TRABD2B: variants seen among roughly 807,000 people sequenced by gnomAD.
The protein encoded by TRABD2B is TraB domain containing 2B.
A neutral mutation model predicts 40.1 loss-of-function variants in TRABD2B; 14 were observed. The observed-to-expected ratio is 0.35, with a 90% CI of 0.23 to 0.55. The LOEUF is 0.55. Among genes scored for constraint, TRABD2B ranks in the 20% least tolerant of loss-of-function variants. The pLI is 0.90. For synonymous variants in TRABD2B, 263 were observed against 277.0 expected, an observed-to-expected ratio of 0.95 and a Z score of 0.50; for missense variants, 541 against 648.6, an observed-to-expected ratio of 0.83 and a Z score of 1.80.
chr1:47,835,159 A>G (rs1645301848), intron 2 of TRABD2B, among the ~76,000 whole-genome samples: 1 of 152,230 alleles, frequency 6.6e-6, no homozygotes, highest in Admixed American at 6.5e-5. Context: ...AACTGAAATG[A>G]AAAATTCACT....
At chr1:47,823,131 T>A (rs1425760317) in intron 2 of TRABD2B, among the ~76,000 whole-genome samples, 1 of 152,204 alleles carries the variant, frequency 6.6e-6, no homozygotes, top group Non-Finnish European at 1.5e-5. Context: ...TGCTCATGCA[T>A]CCCCTGGGAC....
At chr1:47,799,041 C>T (rs569223413) in intron 3 of TRABD2B, among the ~76,000 whole-genome samples, 5 of 144,644 alleles carry the variant, frequency 3.5e-5, no homozygotes, top group Admixed American at 6.7e-5. Flanking sequence ...ACTTCAAGTA[C>T]GGGAACTGTT....
Position 47,860,640 on chromosome 1 carries a change from T to A in TRABD2B, c.667-59021A>T, listed in dbSNP as rs185680241. ...CTATGGTTTGAATGTGGTTTGTCTT[T>A]GCCGAAATTCATGTTGAAGTTTAAT... On this transcript the variant is annotated intron_variant, in intron 2 of 6. Transcript: ENST00000606738. 1.6e-3 allele frequency among the ~76,000 whole-genome samples: 251 copies of A among 152,338 alleles called. 1 individual carries two copies. Among genetic ancestry groups the A allele is most frequent in the Non-Finnish European group, 2.4e-3 (166 of 68,030 alleles).
chr1:47,858,229 TTTTATTTTATTTTA>T (rs986125486), intron 2 of TRABD2B, among the ~76,000 whole-genome samples: 4 of 60,578 alleles, frequency 6.6e-5, no homozygotes, highest in African/African-American at 2.1e-4. Flanking sequence ...TTTTATTTTA[TTTTATTTTATTTTA>T]TTTTATTTTA....
Position 47,997,315 on chromosome 1 carries a change from G to A in TRABD2B, c.-526C>T. 1.4e-6 allele frequency: 1 copy of A among 708,164 alleles called. No individual in the cohort carries two copies. The highest frequency in any genetic ancestry group is 1.7e-6 in the Non-Finnish European group (1 of 579,342). The allele number at this position is 708,164 out of a possible 1,614,324, so 43.9% of individuals were successfully genotyped here. A position where few individuals can be genotyped will look rare whatever the true frequency, so the allele number is the denominator to read the frequency against. ...CTGCCCCCGAGCCCGGCTCAGAGGGGCGGCGGGCGGCCGCGCGGCCGCTGC... is the reference window on the plus strand; with the variant it reads ...CTGCCCCCGAGCCCGGCTCAGAGGGACGGCGGGCGGCCGCGCGGCCGCTGC... On this transcript the variant is annotated 5_prime_UTR_variant, in exon 1 of 7. Transcript: ENST00000606738.
At chr1:47,913,925 G>T (rs997107957) in intron 2 of TRABD2B, among the ~76,000 whole-genome samples, 1 of 152,218 alleles carries the variant, frequency 6.6e-6, no homozygotes. Context: ...GAAAACTAAG[G>T]CATGGTTGAT....
At chr1:47,807,759 A>T (rs1644912026) in intron 2 of TRABD2B, among the ~76,000 whole-genome samples, 1 of 152,190 alleles carries the variant, frequency 6.6e-6, no homozygotes, top group African/African-American at 2.4e-5. Flanking sequence ...TCATATATTT[A>T]AGGTACAGGA....
intron 2 of TRABD2B, among the ~76,000 whole-genome samples, chr1:47,984,898 C>A (rs1194530263): frequency 4.6e-5 from 7 of 152,188 alleles, no homozygotes; most frequent in Non-Finnish European, 8.8e-5. Context: ...GCAACAGCAA[C>A]GTTCTTCTCG....
chr1:47,891,173 G>C (rs545074450), intron 2 of TRABD2B, among the ~76,000 whole-genome samples: 1 of 152,198 alleles, frequency 6.6e-6, no homozygotes, highest in Non-Finnish European at 1.5e-5. Context: ...TAATGCTATA[G>C]AAGTATTAGC....
intron 2 of TRABD2B, among the ~76,000 whole-genome samples, chr1:47,847,136 A>G (rs1458577295): frequency 2.0e-5 from 3 of 152,190 alleles, no homozygotes; most frequent in Admixed American, 1.3e-4. Context: ...TCTTGGGGGA[A>G]CTTGGAGGTG....
intron 4 of TRABD2B, among the ~76,000 whole-genome samples, chr1:47,780,800 T>A (rs747312768): frequency 1.3e-5 from 2 of 152,176 alleles, no homozygotes; most frequent in African/African-American, 4.8e-5. Context: ...AGCACAGGCA[T>A]GAACAGGCCC....
At chr1:47,878,536 A>G (rs1039526383) in intron 2 of TRABD2B, among the ~76,000 whole-genome samples, 5 of 152,232 alleles carry the variant, frequency 3.3e-5, no homozygotes, top group Non-Finnish European at 5.9e-5. Context: ...ACGTCTACGC[A>G]TACATCATTC....
At chr1:47,983,810 T>A (rs548393779) in intron 2 of TRABD2B, among the ~76,000 whole-genome samples, 1 of 151,340 alleles carries the variant, frequency 6.6e-6, no homozygotes, top group South Asian at 2.1e-4. Flanking sequence ...GAAGTGTCCT[T>A]GTTGGGGACG....
intron 2 of TRABD2B, among the ~76,000 whole-genome samples, chr1:47,935,330 G>A (rs1645092470): frequency 6.6e-6 from 1 of 152,128 alleles, no homozygotes; most frequent in African/African-American, 2.4e-5. Context: ...AATGGAGCTG[G>A]ACTTAAATTC....
rs139180588 is a variant in TRABD2B, at chr1:47,978,241, G to A, written c.666+15793C>T. 2.0e-4 allele frequency among the ~76,000 whole-genome samples: 31 copies of A among 152,254 alleles called. 1 individual carries two copies. The East Asian group carries it at 5.4e-3, about 27-fold the overall frequency. On this transcript the variant is annotated intron_variant, in intron 2 of 6. Transcript: ENST00000606738. ...AATACACAGAGACATGGCACCATCC[G>A]TGAACCAGAAAGCTGTTCCTCACCA...
chr1:47,804,567 A>G (rs1036229857), intron 2 of TRABD2B, among the ~76,000 whole-genome samples: 1 of 152,116 alleles, frequency 6.6e-6, no homozygotes, highest in Non-Finnish European at 1.5e-5. Context: ...CTGGAGGAGA[A>G]ATGTCTCCCC....
At chr1:47,973,727 C>T (rs1445637493) in intron 2 of TRABD2B, among the ~76,000 whole-genome samples, 6 of 152,202 alleles carry the variant, frequency 3.9e-5, no homozygotes. Context: ...CTAATAGCGT[C>T]CATGCTGGCC....
chr1:47,785,059 A>G (rs1557564826), intron 4 of TRABD2B, among the ~76,000 whole-genome samples: 1 of 152,206 alleles, frequency 6.6e-6, no homozygotes, highest in Admixed American at 6.5e-5. Context: ...TTCCTGGTAG[A>G]GCACAGCAGG....
chr1:47,870,050 A>G (rs181873423), intron 2 of TRABD2B, among the ~76,000 whole-genome samples: 1 of 152,326 alleles, frequency 6.6e-6, no homozygotes, highest in African/African-American at 2.4e-5. Context: ...CCCATTTCTT[A>G]CCTTGAATAA....
Sources: gnomAD v4.1 joint callset for allele counts (sites outside exome capture counted in the v4.1 genomes callset) on GRCh38, gnomAD v4.1.1 for gene constraint, MANE v1.5 for transcripts, NCBI Gene and HGNC (gene_info 2026-07-23, HGNC 2026-07-21) for gene names.